PCDH15: variants seen among roughly 807,000 people sequenced by gnomAD.
PCDH15 encodes protocadherin related 15, also known as protocadherin-15.
PCDH15 carries 129 observed loss-of-function variants against 178.5 expected under a neutral mutation model. The ratio of observed to expected loss-of-function variants is 0.72; its 90% CI spans 0.63 to 0.84. The LOEUF is 0.84. PCDH15 is among the 40% of genes least tolerant of loss of function. The probability of loss-of-function intolerance (pLI) is 0.00; values close to 1 mark genes in which losing one functional copy is unlikely to be tolerated. For synonymous variants in PCDH15, 800 were observed against 732.0 expected (o/e 1.09, Z -1.50); for missense variants, 2,230 against 2,099.9 (o/e 1.06, Z -1.21).
intron 25 of PCDH15, among the ~76,000 whole-genome samples, chr10:53,925,310 G>A (rs1012009583): frequency 5.3e-5 from 8 of 151,674 alleles, no homozygotes; most frequent in African/African-American, 1.7e-4. Flanking sequence ...AATAACCCCA[G>A]ACATGCCACC....
chr10:55,495,392 A>G (rs546246587), intron 2 of PCDH15, among the ~76,000 whole-genome samples: 1 of 151,902 alleles, frequency 6.6e-6, no homozygotes, highest in East Asian at 1.9e-4. Context: ...CAGAATTTAC[A>G]AAGAATTATC....
chr10:54,628,418 T>C lies in PCDH15; in HGVS notation c.91+35754A>G, dbSNP rs144398563. On this transcript the variant is annotated intron_variant, in intron 2 of 37. Coordinates refer to ENST00000644397, the MANE Select transcript of PCDH15 (RefSeq NM_001384140.1). ...TGACTTTTCCTCTCACTTTATTGTCTCTAAAATCACAGAAACCCTGTTTAC... is the reference window on the plus strand; with the variant it reads ...TGACTTTTCCTCTCACTTTATTGTCCCTAAAATCACAGAAACCCTGTTTAC... 3.3e-3 allele frequency among the ~76,000 whole-genome samples: 501 copies of C among 152,328 alleles called. 3 individuals carry two copies. The highest frequency in any genetic ancestry group is 0.014 in the Middle Eastern group (4 of 294).
At chr10:55,564,865 T>C (rs530721214) in intron 2 of PCDH15, among the ~76,000 whole-genome samples, 1 of 151,768 alleles carries the variant, frequency 6.6e-6, no homozygotes, top group South Asian at 2.1e-4. Context: ...AATTTTGATA[T>C]AAATGAAGGA....
intron 2 of PCDH15, among the ~76,000 whole-genome samples, chr10:54,899,083 A>G (rs1291383226): frequency 1.3e-5 from 2 of 152,304 alleles, no homozygotes; most frequent in East Asian, 3.9e-4. Context: ...TGCCATTTAA[A>G]AAAAGTATTA....
chr10:54,381,780 T>C (rs1589134157), intron 3 of PCDH15, among the ~76,000 whole-genome samples: 1 of 152,040 alleles, frequency 6.6e-6, no homozygotes, highest in African/African-American at 2.4e-5. Context: ...TTCATCATAA[T>C]AAAAATGGTG....
intron 1 of PCDH15, among the ~76,000 whole-genome samples, chr10:54,692,087 G>A (rs372030073): frequency 2.0e-5 from 3 of 152,012 alleles, no homozygotes; most frequent in Admixed American, 1.3e-4. Context: ...CTGCTGAGAG[G>A]AAAATAAGAA....
intron 10 of PCDH15, among the ~76,000 whole-genome samples, chr10:54,198,145 G>A (rs1299972652): frequency 1.3e-5 from 2 of 152,122 alleles, no homozygotes; most frequent in Non-Finnish European, 2.9e-5. Context: ...CAGGCATGCT[G>A]CTAATACCAT....
At chr10:55,570,951 T>TAAAAGCAATATC (rs1842397706) in intron 2 of PCDH15, among the ~76,000 whole-genome samples, 1 of 152,086 alleles carries the variant, frequency 6.6e-6, no homozygotes, top group South Asian at 2.1e-4. Context: ...GCCACTATCA[T>TAAAAGCAATATC]AAAAGCAATA....
intron 2 of PCDH15, among the ~76,000 whole-genome samples, chr10:54,602,559 C>T (rs188329373): frequency 6.6e-6 from 1 of 151,820 alleles, no homozygotes; most frequent in Non-Finnish European, 1.5e-5. Flanking sequence ...AGAGGAGAGG[C>T]TTTTGGGTTT....
intron 3 of PCDH15, among the ~76,000 whole-genome samples, chr10:54,830,473 C>G (rs562535604): frequency 6.6e-6 from 1 of 151,990 alleles, no homozygotes; most frequent in South Asian, 2.1e-4. Flanking sequence ...TCTCAGCAAA[C>G]TATCGCAAGG....
At chr10:54,707,974 T>C (rs1263483908) in intron 1 of PCDH15, among the ~76,000 whole-genome samples, 4 of 152,210 alleles carry the variant, frequency 2.6e-5, no homozygotes, top group Non-Finnish European at 5.9e-5. Context: ...AATCTTTAAA[T>C]GCAGGTAATG....
chr10:54,910,802 A>C (rs1954802964), intron 2 of PCDH15, among the ~76,000 whole-genome samples: 1 of 152,212 alleles, frequency 6.6e-6, no homozygotes, highest in Non-Finnish European at 1.5e-5. Flanking sequence ...ATAAATGAAC[A>C]AACAAGTAAC....
chr10:54,665,952 G>A (rs2094564454), intron 1 of PCDH15, among the ~76,000 whole-genome samples: 1 of 151,596 alleles, frequency 6.6e-6, no homozygotes, highest in Non-Finnish European at 1.5e-5. Context: ...TAAGAATGTG[G>A]CTTTTTTTTT....
intron 1 of PCDH15, among the ~76,000 whole-genome samples, chr10:55,206,573 T>C (rs920021267): frequency 6.6e-6 from 1 of 152,138 alleles, no homozygotes; most frequent in Admixed American, 6.5e-5. Context: ...TCAGACTATG[T>C]GAACTATTGA....
At chr10:54,690,483 T>A (rs1291899086) in intron 1 of PCDH15, among the ~76,000 whole-genome samples, 4 of 151,848 alleles carry the variant, frequency 2.6e-5, no homozygotes, top group African/African-American at 9.7e-5. Context: ...TCCAGCTAAT[T>A]TTTGTATTTT....
At chr10:54,189,918 CAT>C (rs1491140613) in intron 11 of PCDH15, among the ~76,000 whole-genome samples, 3,459 of 82,004 alleles carry the variant, frequency 0.042, 50 homozygotes, top group Middle Eastern at 0.12. Flanking sequence ...TGTATACATG[CAT>C]GTGTATGTGT....
chr10:53,849,888 G>GAAAA (rs2078245332), intron 28 of PCDH15, among the ~76,000 whole-genome samples: 1 of 137,166 alleles, frequency 7.3e-6, no homozygotes, highest in Admixed American at 7.5e-5. Flanking sequence ...AAAAAAGAAA[G>GAAAA]AAAGAAAAAT....
chr10:54,641,141 AG>A, intron 2 of PCDH15: 1 of 222,530 alleles, frequency 4.5e-6, no homozygotes. Flanking sequence ...TTTTTTTAAA[AG>A]TACAAACATA....
chr10:54,702,543 C>CAAAAAAAAAAAA (rs375110960), intron 1 of PCDH15, among the ~76,000 whole-genome samples: 1 of 125,682 alleles, frequency 8.0e-6, no homozygotes, highest in Non-Finnish European at 1.6e-5. Flanking sequence ...CACAGAAATA[C>CAAAAAAAAAAAA]AAAAAAAAAA....
Sources: allele counts gnomAD v4.1 joint callset (sites outside exome capture counted in the v4.1 genomes callset), GRCh38; gene constraint gnomAD v4.1.1; transcripts MANE v1.5; gene names NCBI Gene and HGNC (gene_info 2026-07-23, HGNC 2026-07-21).